RAB8B: variants seen among roughly 807,000 people sequenced by gnomAD.
The protein encoded by RAB8B is ras-related protein Rab-8B.
RAB8B carries 11 observed loss-of-function variants against 32.0 expected under a neutral mutation model. The observed-to-expected ratio is 0.34, with a 90% CI of 0.22 to 0.57. The LOEUF (loss-of-function observed/expected upper bound fraction) is 0.57. Among genes scored for constraint, RAB8B ranks in the 20% least tolerant of loss-of-function variants. The probability of loss-of-function intolerance (pLI) is 0.86; values close to 1 mark genes in which losing one functional copy is unlikely to be tolerated. For missense variants in RAB8B, 190 were observed against 258.5 expected (o/e 0.73, Z 1.82); for synonymous variants, 103 against 89.6 (o/e 1.15, Z -0.85).
rs138704517 is a variant in RAB8B, at chr15:63,217,269, A to G, written c.125-27487A>G. ...TAATGGAGTTAGGATTGTTCTATAT[A>G]ATTACTTTCTTTTTGTGTAAAAGAT... On this transcript the variant is annotated intron_variant, in intron 1 of 7. Transcript: ENST00000321437. 5.9e-3 allele frequency among the ~76,000 whole-genome samples: 897 copies of G among 152,324 alleles called. 8 individuals carry two copies. The highest frequency in any genetic ancestry group is 0.019 in the African/African-American group (802 of 41,564).
chr15:63,249,771 G>C (rs1445696455), intron 3 of RAB8B, 66 bp downstream of exon 3: 4 of 1,477,954 alleles, frequency 2.7e-6, no homozygotes, highest in Non-Finnish European at 3.7e-6. Flanking sequence ...TGTTTGCCAA[G>C]ATTATAGGAT....
chr15:63,264,496 T>G lies in RAB8B; in HGVS notation c.*877T>G, dbSNP rs1335881707. The G allele has an allele frequency of 3.3e-5, 5 of 152,242 alleles. No individual in the cohort carries two copies. The highest frequency in any genetic ancestry group is 1.2e-4 in the African/African-American group (5 of 41,468). The allele number at this position is 152,242 out of a possible 1,614,324, so 9.4% of individuals were successfully genotyped here. ...CCATTTAGGGTTTTAGTGCAGCATC[T>G]AACTGTGATTCTGTCAATAAGGATA... On this transcript the variant is annotated 3_prime_UTR_variant, in exon 8 of 8. Coordinates refer to ENST00000321437, the MANE Select transcript of RAB8B (RefSeq NM_016530.3).
In RAB8B at chr15:63,256,552, T is replaced by C; in HGVS notation, c.372T>C (p.Asp124=). The C allele has an allele frequency of 6.2e-7, 1 of 1,604,248 alleles. No homozygotes were observed. Among genetic ancestry groups the C allele is most frequent in the Non-Finnish European group, 8.5e-7 (1 of 1,176,700 alleles). ...VERMILGNKC[D]MNDKRQVSKE... ...GAATGATCCTGGGTAACAAATGTGATATGAATGACAAAAGACAAGTGTCAA... is the reference window on the plus strand; with the variant it reads ...GAATGATCCTGGGTAACAAATGTGACATGAATGACAAAAGACAAGTGTCAA... Residue 124 remains aspartate, a synonymous_variant, in exon 5 of 8, where the codon GAT becomes GAC. Transcript: ENST00000321437.
At chr15:63,241,765 A>G (rs1181896793) in intron 1 of RAB8B, among the ~76,000 whole-genome samples, 1 of 152,128 alleles carries the variant, frequency 6.6e-6, no homozygotes, top group African/African-American at 2.4e-5. Context: ...GCCAGGCCCA[A>G]AGAGAGGTAA....
chr15:63,232,902 A>T (rs558676753), intron 1 of RAB8B, among the ~76,000 whole-genome samples: 1 of 151,388 alleles, frequency 6.6e-6, no homozygotes, highest in Non-Finnish European at 1.5e-5. Flanking sequence ...AAACAAGAAA[A>T]CAATTTTAAT....
rs199649897 is a variant in RAB8B, at chr15:63,255,611, T to C, written c.324+27T>C. On this transcript the variant is annotated intron_variant, in intron 4 of 7. Coordinates refer to ENST00000321437, the MANE Select transcript of RAB8B (RefSeq NM_016530.3). Reference sequence around the variant, plus strand: ...TATGTGTGGAAAGAGAATGGTGACATTGGAGAAGAGTCCTGCTGGGTGCTT... The same window carrying C: ...TATGTGTGGAAAGAGAATGGTGACACTGGAGAAGAGTCCTGCTGGGTGCTT... 1.6e-5 allele frequency: 24 copies of C among 1,541,034 alleles called. No individual in the cohort carries two copies. The East Asian group carries it at 3.1e-4, about 20-fold the overall frequency.
At chr15:63,216,509 G>A (rs550762640) in intron 1 of RAB8B, among the ~76,000 whole-genome samples, 5 of 151,418 alleles carry the variant, frequency 3.3e-5, no homozygotes, top group East Asian at 2.0e-4. Context: ...GATTACAGGC[G>A]TGAGCCACTG....
intron 1 of RAB8B, among the ~76,000 whole-genome samples, chr15:63,220,871 ATTTATCAGGCAC>A (rs1365350540): frequency 6.6e-6 from 1 of 152,186 alleles, no homozygotes; most frequent in Non-Finnish European, 1.5e-5. Context: ...TCCTTTAAAC[ATTTATCAGGCAC>A]TTATTTAATC....
At chr15:63,203,907 A>C (rs2037674192) in intron 1 of RAB8B, among the ~76,000 whole-genome samples, 1 of 152,080 alleles carries the variant, frequency 6.6e-6, no homozygotes, top group Non-Finnish European at 1.5e-5. Context: ...GTGCAGGGTG[A>C]ACTGCGGGTG....
In RAB8B at chr15:63,252,028, G is replaced by A. The variant is rs553095009; in HGVS notation, c.246+2323G>A. Among the ~76,000 whole-genome samples, 41 of 151,782 alleles carry A rather than the reference G, an allele frequency of 2.7e-4. No homozygotes were observed. The South Asian group carries it at 3.8e-3, about 14-fold the overall frequency. On this transcript the variant is annotated intron_variant, in intron 3 of 7. Coordinates refer to ENST00000321437, the MANE Select transcript of RAB8B (RefSeq NM_016530.3). ...ATCCTGATGGACATTTGGGCTTTGGGGAAAAACAGGACCATATCATTACAT... is the reference window on the plus strand; with the variant it reads ...ATCCTGATGGACATTTGGGCTTTGGAGAAAAACAGGACCATATCATTACAT...
In RAB8B at chr15:63,189,723, C is replaced by T. The variant is rs769858952; in HGVS notation, c.99C>T (p.Phe33=). 9.9e-6 allele frequency: 16 copies of T among 1,610,584 alleles called. No individual in the cohort carries two copies. The highest frequency in any genetic ancestry group is 1.3e-5 in the African/African-American group (1 of 74,462). The change falls in exon 1 of 8, where the codon TTC becomes TTT. Residue 33 remains phenylalanine, a synonymous_variant. Transcript: ENST00000321437. ...TGTTCCGCTTCTCAGAGGACGCCTTCAACACCACCTTCATCTCCACCATCG... is the reference window on the plus strand; with the variant it reads ...TGTTCCGCTTCTCAGAGGACGCCTTTAACACCACCTTCATCTCCACCATCG... The part of the protein sequence containing the change: ...CLLFRFSEDA[F]NTTFISTIGI...
chr15:63,223,788 C>T, intron 1 of RAB8B: 1 of 375,678 alleles, frequency 2.7e-6, no homozygotes, highest in Non-Finnish European at 5.3e-6. Flanking sequence ...TAGACCCTGA[C>T]TGATACACTG....
At chr15:63,258,124 G>A (rs2152584115) in intron 5 of RAB8B, among the ~76,000 whole-genome samples, 1 of 149,234 alleles carries the variant, frequency 6.7e-6, no homozygotes, top group South Asian at 2.1e-4. Flanking sequence ...TATTTGAGAT[G>A]GAGTTTCACT....
At chr15:63,189,860 T>G (rs1255391715) in intron 1 of RAB8B, 112 bp downstream of exon 1, 29 of 1,051,180 alleles carry the variant, frequency 2.8e-5, no homozygotes, top group East Asian at 2.0e-4. Context: ...CCCCGGGGAC[T>G]GCAAGGTGGC....
At chr15:63,227,573 T>A (rs1428524856) in intron 1 of RAB8B, among the ~76,000 whole-genome samples, 1 of 152,254 alleles carries the variant, frequency 6.6e-6, no homozygotes, top group East Asian at 1.9e-4. Context: ...AATTTTGTTT[T>A]ATTTAGTTTT....
intron 4 of RAB8B, 127 bp downstream of exon 4, chr15:63,255,711 C>T: frequency 5.9e-6 from 4 of 678,186 alleles, no homozygotes; most frequent in Non-Finnish European, 1.0e-5. Context: ...CCCTCTCTCT[C>T]TGAAGAGCTC....
intron 1 of RAB8B, among the ~76,000 whole-genome samples, chr15:63,233,996 T>G (rs781173174): frequency 3.3e-5 from 5 of 152,164 alleles, no homozygotes; most frequent in African/African-American, 4.8e-5. Flanking sequence ...AAGGTTCTCA[T>G]GACTGCAGCC....
intron 1 of RAB8B, among the ~76,000 whole-genome samples, chr15:63,207,201 A>G (rs2037705491): frequency 6.6e-6 from 1 of 152,222 alleles, no homozygotes; most frequent in South Asian, 2.1e-4. Flanking sequence ...ATTGATGTCC[A>G]TATCTCCTGC....
At chr15:63,222,245 A>G (rs1466828714) in intron 1 of RAB8B, among the ~76,000 whole-genome samples, 1 of 152,082 alleles carries the variant, frequency 6.6e-6, no homozygotes, top group Admixed American at 6.6e-5. Flanking sequence ...CAGTTCCTAT[A>G]ACACCATCTC....
Sources: gnomAD v4.1 joint callset for allele counts (sites outside exome capture counted in the v4.1 genomes callset) on GRCh38, gnomAD v4.1.1 for gene constraint, MANE v1.5 for transcripts, NCBI Gene and HGNC (gene_info 2026-07-23, HGNC 2026-07-21) for gene names.